Variants in NOP53 observed in about 807,000 individuals in gnomAD.
NOP53 encodes ribosome biogenesis protein NOP53.
Under a neutral mutation model 61.0 loss-of-function variants are expected in NOP53, and 40 were observed. The ratio of observed to expected loss-of-function variants is 0.66; its 90% confidence interval spans 0.51 to 0.85. NOP53 has a LOEUF of 0.85. NOP53 is among the 40% of genes least tolerant of loss of function. The pLI is 0.00. For synonymous variants in NOP53, 308 were observed against 289.5 expected (o/e 1.06, Z -0.65); for missense variants, 689 against 652.9 (o/e 1.06, Z -0.60).
chr19:47,756,793 C>G (rs200855293), intron 12 of NOP53, 49 bp downstream of exon 12: 1 of 1,590,684 alleles, frequency 6.3e-7, no homozygotes, highest in Non-Finnish European at 8.6e-7. Flanking sequence ...TCTCCCACCC[C>G]GTGGTGCCCA....
rs370944789 is a variant in NOP53 at position 47,756,996 on chromosome 19, C to T, written c.1431-3C>T. 99 of 1,614,028 alleles carry T rather than the reference C, an allele frequency of 6.1e-5. No homozygotes were observed. The highest frequency in any genetic ancestry group is 7.5e-5 in the Non-Finnish European group (89 of 1,179,986). On this transcript the variant is annotated splice_region_variant and splice_polypyrimidine_tract_variant and intron_variant, in intron 12 of 12. Transcript: ENST00000246802. ...ACCCTCAGCTCCTTTCCTCTGTCCC[C>T]AGGTTGTAGCTGCCATCAGATGCCG... is the stretch of plus-strand genomic sequence containing the variant.
In NOP53 at chr19:47,755,542, G is replaced by T. The variant is rs1040654701; in HGVS notation, c.1229+19G>T. 1.4e-6 allele frequency: 2 copies of T among 1,463,848 alleles called. No homozygotes were observed. The highest frequency in any genetic ancestry group is 9.0e-7 in the Non-Finnish European group (1 of 1,107,676). The allele number at this position is 1,463,848 out of a possible 1,614,324, so 90.7% of individuals were successfully genotyped here. A position where few individuals can be genotyped will look rare whatever the true frequency, so the allele number is the denominator to read the frequency against. Reference sequence around the variant, plus strand: ...GGCTCAAGTGAGAACCAGGCCGGGGGTTCTGGGAGAGGCTGGGGAGGGGGC... The same window carrying T: ...GGCTCAAGTGAGAACCAGGCCGGGGTTTCTGGGAGAGGCTGGGGAGGGGGC... On this transcript the variant is annotated intron_variant, in intron 9 of 12. Coordinates refer to ENST00000246802, the MANE Select transcript of NOP53 (RefSeq NM_015710.5).
Position 47,755,799 on chromosome 19 carries a change from A to C in NOP53, c.1273A>C (p.Thr425Pro). The C allele has an allele frequency of 6.2e-7, 1 of 1,610,266 alleles. No individual in the cohort carries two copies. Among genetic ancestry groups the C allele is most frequent in the Non-Finnish European group, 8.5e-7 (1 of 1,178,584 alleles). ...DIDVQLSSEL[T>P]DSLRTLKPEG... is the part of the protein sequence containing the mutation. Reference sequence around the variant, plus strand: ...CGACGTGCAGCTGAGCTCGGAGCTGACAGACTCGCTCAGGACCCTGAAGGT... The same window carrying C: ...CGACGTGCAGCTGAGCTCGGAGCTGCCAGACTCGCTCAGGACCCTGAAGGT... The change falls in exon 10 of 13, where the codon ACA (threonine) becomes CCA (proline). Residue 425 changes from threonine (T) to proline (P), a missense_variant. Thr to Pro is a conservative substitution (Grantham distance 38). Transcript: ENST00000246802.
At chr19:47,745,807 A>C (rs1967054857) in intron 1 of NOP53, 24 bp downstream of exon 1, 3 of 1,403,150 alleles carry the variant, frequency 2.1e-6, no homozygotes, top group African/African-American at 3.0e-5. Flanking sequence ...GACTTCCGGG[A>C]GGTGGGACGG....
At chr19:47,755,720 G>T (rs368614892) in intron 9 of NOP53, 36 bp from the exon 10 acceptor site, 302 of 1,574,220 alleles carry the variant, frequency 1.9e-4, no homozygotes, top group Non-Finnish European at 1.9e-4. Flanking sequence ...GGGCCCCGCG[G>T]GGGTGATATT....
chr19:47,756,401 C>A, intron 10 of NOP53, 127 bp from the exon 11 acceptor site: 1 of 674,804 alleles, frequency 1.5e-6, no homozygotes, highest in Non-Finnish European at 2.5e-6. Context: ...CAGGCTGAGT[C>A]CCTGGTGCCC....
chr19:47,748,471 G>T (rs1967089438), intron 2 of NOP53, among the ~76,000 whole-genome samples: 1 of 152,136 alleles, frequency 6.6e-6, no homozygotes. Context: ...TAATGAGCAA[G>T]AGAGTGAGCT....
In NOP53 at chr19:47,750,281, C is replaced by T. The variant is rs779586743; in HGVS notation, c.393C>T (p.Pro131=). The T allele has an allele frequency of 8.2e-6, 13 of 1,582,240 alleles. No individual in the cohort carries two copies. Among genetic ancestry groups the T allele is most frequent in the Non-Finnish European group, 1.1e-5 (13 of 1,151,100 alleles). The part of the protein sequence containing the change: ...ILENTSKVPA[P]KDVLAHQVPN... ...AGAACACATCCAAAGTCCCTGCCCC[C>T]AAAGAGTGAGTGTCCCAGCATCCCT... Residue 131 remains proline (P), a synonymous_variant, in exon 3 of 13, where the codon CCC becomes CCT. Transcript: ENST00000246802.
At chr19:47,752,655 G>T in intron 6 of NOP53, 48 bp downstream of exon 6, 2 of 1,162,170 alleles carry the variant, frequency 1.7e-6, no homozygotes, top group East Asian at 2.3e-5. Context: ...TCTGCCTCTT[G>T]GTCAGGCCTT....
rs770128574 is a variant in NOP53 at position 47,754,808 on chromosome 19, G to T, written c.970G>T (p.Val324Phe). 2.0e-6 allele frequency: 3 copies of T among 1,535,254 alleles called. No individual in the cohort carries two copies. Among genetic ancestry groups the T allele is most frequent in the Non-Finnish European group, 2.6e-6 (3 of 1,145,522 alleles). The change falls in exon 8 of 13, where the codon GTC becomes TTC. Residue 324 changes from valine (V) to phenylalanine (F), a missense_variant. Physicochemically the swap from Val to Phe is conservative, Grantham distance 50. Transcript: ENST00000246802. This position sits in a 1 kb window ranked among gnomAD's most constrained non-coding sequence, Gnocchi z 4.2. ...GGGGCCGGAGGCTGGGGATGCCGAGGTCTGTCCCACGCCCGCCCGCCTGGC... is the reference window on the plus strand; with the variant it reads ...GGGGCCGGAGGCTGGGGATGCCGAGTTCTGTCCCACGCCCGCCCGCCTGGC... ...GEGPEAGDAE[V>F]CPTPARLATT...
Position 47,750,316 on chromosome 19 carries a change from T to C in NOP53, c.398+30T>C, listed in dbSNP as rs772268118. 2.9e-6 allele frequency: 4 copies of C among 1,366,062 alleles called. No individual in the cohort carries two copies. In the East Asian group the frequency reaches 6.9e-5, roughly 23 times the overall value. 84.6% of individuals were successfully genotyped at this position (1,366,062 alleles called of 1,614,324 possible). A position where few individuals can be genotyped will look rare whatever the true frequency, so the allele number is the denominator to read the frequency against. On this transcript the variant is annotated intron_variant, in intron 3 of 12. Coordinates refer to ENST00000246802, the MANE Select transcript of NOP53 (RefSeq NM_015710.5). ...GTGTCCCAGCATCCCTGGGCCCTTC[T>C]TTCCCACCAGACTCTGGTCCTAAAG...
chr19:47,755,983 C>T (rs1186245164), intron 10 of NOP53, 161 bp downstream of exon 10: 3 of 612,538 alleles, frequency 4.9e-6, no homozygotes, highest in Admixed American at 5.8e-5. Context: ...GGATGAGATC[C>T]CAGGGTGAGG....
At position 47,746,967 on chromosome 19, in the gene NOP53, T is replaced by A; in HGVS notation, c.225T>A (p.Gly75=). ...GATGTTCTGCATTTCTGTCCCCCAG[T>A]GGCTTGTTGTCAGAGGCCCCAAATG... ...EDVRLQERTS[G]GLLSEAPNEK... The change falls in exon 2 of 13, where the codon GGT becomes GGA. Residue 75 remains glycine, a splice_region_variant and synonymous_variant. Coordinates refer to ENST00000246802, the MANE Select transcript of NOP53 (RefSeq NM_015710.5). 1 of 1,613,188 alleles carries A rather than the reference T, an allele frequency of 6.2e-7. No homozygotes were observed.
At chr19:47,752,407 C>T (rs1967135203) in intron 5 of NOP53, 105 bp from the exon 6 acceptor site, 1 of 723,274 alleles carries the variant, frequency 1.4e-6, no homozygotes, top group Non-Finnish European at 2.4e-6. Context: ...GCTCTTCCCA[C>T]ACCCAACCAC....
chr19:47,750,217 T>G lies in NOP53; in HGVS notation c.329T>G (p.Leu110Arg). 4 of 1,613,210 alleles carry G rather than the reference T, an allele frequency of 2.5e-6. No homozygotes were observed. Among genetic ancestry groups the G allele is most frequent in the Non-Finnish European group, 3.4e-6 (4 of 1,179,162 alleles). The change falls in exon 3 of 13, where the codon CTG becomes CGG. Residue 110 changes from leucine to arginine, a missense_variant. By Grantham distance (102) the Leu-to-Arg change is moderately radical (BLOSUM62 -2). Transcript: ENST00000246802. ...KKRTKVQKKS[L>R]LLKKPLRVDL... The stretch of plus-strand genomic sequence containing the variant: ...AGAACCAAAGTCCAGAAGAAGTCAC[T>G]GCTTCTCAAGAAACCCCTTCGGGTT...
chr19:47,751,368 C>T (rs1399162751), intron 4 of NOP53, 152 bp from the exon 5 acceptor site: 7 of 666,780 alleles, frequency 1.0e-5, no homozygotes, highest in Non-Finnish European at 1.8e-5. Flanking sequence ...CAGTTTTGTC[C>T]TGGTGATCAA....
intron 5 of NOP53, among the ~76,000 whole-genome samples, chr19:47,751,947 CA>C (rs3837958): frequency 0.74 from 111,346 of 150,638 alleles, 41,510 homozygotes; most frequent in African/African-American, 0.84. Context: ...ACTAAAAATA[CA>C]AAAAAAAAAT....
chr19:47,755,281 T>G, intron 8 of NOP53, 67 bp from the exon 9 acceptor site: 1 of 1,103,092 alleles, frequency 9.1e-7, no homozygotes, highest in Non-Finnish European at 1.2e-6. Flanking sequence ...AGGCTCCCTG[T>G]GTAGAGAGAA....
intron 8 of NOP53, 142 bp from the exon 9 acceptor site, chr19:47,755,206 T>C (rs1280357409): frequency 1.7e-6 from 1 of 582,446 alleles, no homozygotes; most frequent in Non-Finnish European, 2.9e-6. Context: ...GGGAAGGCAC[T>C]GGAGGGGCCG....
Sources: allele counts gnomAD v4.1 joint callset (sites outside exome capture counted in the v4.1 genomes callset), GRCh38; gene constraint gnomAD v4.1.1; non-coding constraint Gnocchi (gnomAD v3.1); transcripts MANE v1.5; gene names NCBI Gene and HGNC (gene_info 2026-07-23, HGNC 2026-07-21).